Variants in AKAP8L observed in about 807,000 individuals in gnomAD.
AKAP8L encodes A-kinase anchoring protein 8 like.
AKAP8L carries 34 observed loss-of-function variants against 77.5 expected under a neutral mutation model. That is an observed-to-expected ratio of 0.44 (90% CI 0.33 to 0.58). The LOEUF (loss-of-function observed/expected upper bound fraction) is 0.58, where lower values mean the gene tolerates loss of function less well. AKAP8L is among the 20% of genes least tolerant of loss of function. AKAP8L has a pLI of 0.02. For missense variants in AKAP8L, 806 were observed against 887.6 expected, an observed-to-expected ratio of 0.91 and a Z score of 1.17; for synonymous variants, 342 against 340.7, an observed-to-expected ratio of 1.00 and a Z score of -0.04.
At chr19:15,418,645 C>A (rs1481168267) in intron 1 of AKAP8L, among the ~76,000 whole-genome samples, 1 of 152,172 alleles carries the variant, frequency 6.6e-6, no homozygotes, top group South Asian at 2.1e-4. Flanking sequence ...AGACCTCGTG[C>A]GCTGAGGCCC....
intron 2 of AKAP8L, chr19:15,404,285 T>C (rs1967957087): frequency 1.2e-5 from 6 of 516,786 alleles, no homozygotes; most frequent in Non-Finnish European, 2.0e-5. Context: ...CACTCTCAAC[T>C]AAGGAACTTG....
chr19:15,393,331 T>C (rs889657156), intron 12 of AKAP8L, among the ~76,000 whole-genome samples: 2 of 152,104 alleles, frequency 1.3e-5, no homozygotes, highest in Non-Finnish European at 2.9e-5. Context: ...AAAAGAAAAT[T>C]GGACTTTATA....
At position 15,380,450 on chromosome 19, in the gene AKAP8L, C is replaced by T; in HGVS notation, c.1633-20G>A. 2 of 1,610,698 alleles carry T rather than the reference C, an allele frequency of 1.2e-6. No individual in the cohort carries two copies. The highest frequency in any genetic ancestry group is 1.7e-6 in the Non-Finnish European group (2 of 1,178,778). On this transcript the variant is annotated intron_variant, in intron 13 of 13. Transcript: ENST00000397410. ...CTCGCCCTGTGGGGAGGGGCGCGGACACTGAAGGGAGGGAGCACAGGCGGG... is the reference window on the plus strand; with the variant it reads ...CTCGCCCTGTGGGGAGGGGCGCGGATACTGAAGGGAGGGAGCACAGGCGGG...
At chr19:15,414,059 C>CTTTTTTTT (rs755252182) in intron 1 of AKAP8L, among the ~76,000 whole-genome samples, 4 of 119,984 alleles carry the variant, frequency 3.3e-5, no homozygotes, top group Non-Finnish European at 5.2e-5. Flanking sequence ...ATGAATAATT[C>CTTTTTTTT]TTTTTTTTTT....
At chr19:15,409,487 G>A (rs1441989733) in intron 2 of AKAP8L, among the ~76,000 whole-genome samples, 1 of 152,172 alleles carries the variant, frequency 6.6e-6, no homozygotes, top group Admixed American at 6.5e-5. Flanking sequence ...GCTTACTTAA[G>A]TCTCTTTATG....
chr19:15,400,103 G>A (rs1967860567), intron 8 of AKAP8L, 192 bp downstream of exon 8: 2 of 621,618 alleles, frequency 3.2e-6, no homozygotes, highest in South Asian at 1.9e-5. Context: ...GCCTCCGCCT[G>A]GGAAGGAGGA....
At position 15,418,964 on chromosome 19, in the gene AKAP8L, T is replaced by C. The variant is rs200310649; in HGVS notation, c.-41A>G. On this transcript the variant is annotated 5_prime_UTR_variant, in exon 1 of 14. Coordinates refer to ENST00000397410, the MANE Select transcript of AKAP8L (RefSeq NM_014371.4). The stretch of plus-strand genomic sequence containing the variant: ...AACATCCGACGACGCCGGCTTCTGC[T>C]GCTCTGAACATCCGACGCTGCGATA... The C allele has an allele frequency of 1.2e-5, 20 of 1,603,912 alleles. No homozygotes were observed. In the East Asian group the frequency reaches 4.0e-4, roughly 32 times the overall value.
intron 2 of AKAP8L, among the ~76,000 whole-genome samples, chr19:15,404,581 T>C (rs1404674271): frequency 2.0e-5 from 3 of 152,174 alleles, no homozygotes; most frequent in Non-Finnish European, 4.4e-5. Context: ...TAAAACCTCA[T>C]TCCTTCAGTA....
rs554414478 is a variant in AKAP8L, at chr19:15,394,566, C to T, written c.1536+2584G>A. Among the ~76,000 whole-genome samples, 6 of 151,518 alleles carry T rather than the reference C, an allele frequency of 4.0e-5. No individual in the cohort carries two copies. In the South Asian group the frequency reaches 1.0e-3, roughly 26 times the overall value. On this transcript the variant is annotated intron_variant, in intron 12 of 13. Transcript: ENST00000397410. ...TTCATTTGTTTGGTTTTTTTAGAGA[C>T]AGGGTCTTGCTCTGTTGCCCAGTCT...
chr19:15,386,358 C>T (rs911179068), intron 12 of AKAP8L, among the ~76,000 whole-genome samples: 8 of 152,086 alleles, frequency 5.3e-5, no homozygotes, highest in Admixed American at 1.3e-4. Flanking sequence ...TGAGGCGTTC[C>T]CTGGAACACT....
chr19:15,380,299 C>T lies in AKAP8L; in HGVS notation c.1764G>A (p.Gln588=). ...ISEGAEGVPA[Q]PPVPPEPAPG... ...GGGCTGGCTCTGGGGGCACGGGAGG[C>T]TGCGCCGGCACGCCCTCTGCGCCCT... The change falls in exon 14 of 14, where the codon CAG becomes CAA. Residue 588 remains glutamine (Q), a synonymous_variant. Transcript: ENST00000397410. 1 of 1,529,566 alleles carries T rather than the reference C, an allele frequency of 6.5e-7. No individual in the cohort carries two copies. The highest frequency in any genetic ancestry group is 8.7e-7 in the Non-Finnish European group (1 of 1,144,548). 94.7% of individuals were successfully genotyped at this position (1,529,566 alleles called of 1,614,324 possible).
intron 1 of AKAP8L, among the ~76,000 whole-genome samples, chr19:15,414,590 G>A (rs1459261592): frequency 2.0e-5 from 3 of 152,016 alleles, no homozygotes; most frequent in South Asian, 2.1e-4. Context: ...CTGGGGTCAC[G>A]CCATTCTCCT....
chr19:15,380,179 G>C lies in AKAP8L; in HGVS notation c.1884C>G (p.Arg628=). Residue 628 remains arginine (R), a synonymous_variant, in exon 14 of 14, where the codon CGC becomes CGG. Transcript: ENST00000397410. ...LLGGALQRQI[R]GIPGLDVEDD... is the part of the protein sequence containing the mutation. ...CCTCCACGTCGAGGCCCGGGATGCC[G>C]CGGATCTGGCGTTGCAGCGCCCCTC... The C allele has an allele frequency of 1.3e-6, 2 of 1,505,210 alleles. No homozygotes were observed. Among genetic ancestry groups the C allele is most frequent in the Non-Finnish European group, 1.8e-6 (2 of 1,135,640 alleles). The allele number at this position is 1,505,210 out of a possible 1,614,324, so 93.2% of individuals were successfully genotyped here.
intron 2 of AKAP8L, among the ~76,000 whole-genome samples, chr19:15,405,247 C>G (rs1967973007): frequency 6.6e-6 from 1 of 152,226 alleles, no homozygotes; most frequent in Non-Finnish European, 1.5e-5. Context: ...AAGAAAAACA[C>G]ACAAGGCTGG....
intron 12 of AKAP8L, chr19:15,381,286 C>T (rs1432954711): frequency 1.3e-5 from 2 of 152,916 alleles, no homozygotes; most frequent in African/African-American, 4.8e-5. Context: ...CTAAACGTTC[C>T]TCAGTGCAGA....
At chr19:15,380,718 G>T in intron 12 of AKAP8L, 106 bp from the exon 13 acceptor site, 1 of 956,568 alleles carries the variant, frequency 1.0e-6, no homozygotes, top group East Asian at 2.5e-5. Flanking sequence ...CTGCACCCAC[G>T]CACTTCCAGC....
chr19:15,380,319 C>T lies in AKAP8L; in HGVS notation c.1744G>A (p.Ala582Thr), dbSNP rs1209900752. 4 of 1,536,652 alleles carry T rather than the reference C, an allele frequency of 2.6e-6. No individual in the cohort carries two copies. The East Asian group carries it at 7.3e-5, about 28-fold the overall frequency. The change falls in exon 14 of 14, where the codon GCA becomes ACA. Residue 582 changes from alanine (A) to threonine (T), a missense_variant. By Grantham distance (58) the Ala-to-Thr change is moderately conservative. Around this residue, in one of 2 missense-constraint regions of AKAP8L, gnomAD observed 226 missense variants for 193.5 expected, o/e 1.17. Coordinates refer to ENST00000397410, the MANE Select transcript of AKAP8L (RefSeq NM_014371.4). ...QGEAAGISEGAEGVPAQPPVP... is the reference protein window; with the variant it reads ...QGEAAGISEGTEGVPAQPPVP... Reference sequence around the variant, plus strand: ...GGAGGCTGCGCCGGCACGCCCTCTGCGCCCTCCGAGATCCCTGCCGCTTCG... The same window carrying T: ...GGAGGCTGCGCCGGCACGCCCTCTGTGCCCTCCGAGATCCCTGCCGCTTCG...
chr19:15,415,919 C>T (rs970898202), intron 1 of AKAP8L, among the ~76,000 whole-genome samples: 18 of 151,928 alleles, frequency 1.2e-4, no homozygotes, highest in African/African-American at 4.1e-4. Context: ...CCCAGAGTCT[C>T]GCTGTCATCC....
At chr19:15,388,844 A>C (rs8182534) in intron 12 of AKAP8L, among the ~76,000 whole-genome samples, 116,088 of 150,346 alleles carry the variant, frequency 0.77, 44,970 homozygotes, top group East Asian at 0.99. Flanking sequence ...TGAACCTGGG[A>C]GGCGGAGCTT....
Sources: allele counts gnomAD v4.1 joint callset (sites outside exome capture counted in the v4.1 genomes callset), GRCh38; gene constraint gnomAD v4.1.1; regional missense constraint gnomAD v4.1.1; transcripts MANE v1.5; gene names NCBI Gene and HGNC (gene_info 2026-07-23, HGNC 2026-07-21).